Variants in LRP1B observed in about 807,000 individuals in gnomAD.
LRP1B encodes low-density lipoprotein receptor-related protein 1B.
In LRP1B, 217 loss-of-function variants were observed where a neutral mutation model predicts 556.6. The observed-to-expected ratio is 0.39, with a 90% CI of 0.35 to 0.44. LRP1B has a LOEUF of 0.44. Among genes scored for constraint, LRP1B ranks in the 20% least tolerant of loss-of-function variants. The pLI is 1.00. For synonymous variants in LRP1B, 2,047 were observed against 1,865.8 expected, an observed-to-expected ratio of 1.10 and a Z score of -2.50; for missense variants, 5,053 against 5,620.8, an observed-to-expected ratio of 0.90 and a Z score of 3.23.
At chr2:141,705,167 G>A (rs1478146974) in intron 2 of LRP1B, among the ~76,000 whole-genome samples, 3 of 151,930 alleles carry the variant, frequency 2.0e-5, no homozygotes, top group African/African-American at 7.2e-5. Context: ...AACCCAGGTA[G>A]TTTGACTCTG....
At chr2:141,937,569 G>C (rs890163007) in intron 1 of LRP1B, among the ~76,000 whole-genome samples, 1 of 151,502 alleles carries the variant, frequency 6.6e-6, no homozygotes, top group Admixed American at 6.6e-5. Context: ...CCCAACAGAT[G>C]TATGTGTGTG....
chr2:141,900,110 T>C (rs1440360516), intron 1 of LRP1B, among the ~76,000 whole-genome samples: 1 of 152,136 alleles, frequency 6.6e-6, no homozygotes, highest in Non-Finnish European at 1.5e-5. Context: ...TTGACTGATT[T>C]AATTCAGTCC....
intron 86 of LRP1B, among the ~76,000 whole-genome samples, chr2:140,266,308 A>G (rs1010407482): frequency 6.6e-6 from 1 of 151,908 alleles, no homozygotes; most frequent in Non-Finnish European, 1.5e-5. Context: ...CACTTATAAC[A>G]CTTGTCCTCT....
At chr2:140,669,648 C>G (rs899882133) in intron 41 of LRP1B, among the ~76,000 whole-genome samples, 2 of 152,056 alleles carry the variant, frequency 1.3e-5, no homozygotes, top group African/African-American at 4.8e-5. Flanking sequence ...CTTTTACTGA[C>G]AGTTTTTTTT....
chr2:140,430,829 C>T (rs1685901872), intron 66 of LRP1B, among the ~76,000 whole-genome samples: 2 of 152,224 alleles, frequency 1.3e-5, no homozygotes, highest in Admixed American at 1.3e-4. Flanking sequence ...ATTCCATCTG[C>T]TATTCTACTA....
intron 1 of LRP1B, among the ~76,000 whole-genome samples, chr2:142,000,152 C>T (rs1386116426): frequency 1.2e-4 from 18 of 151,990 alleles, no homozygotes; most frequent in Admixed American, 1.2e-3. Context: ...GCCTTAAGGA[C>T]ACATATTGTA....
chr2:141,290,744 A>G (rs1382878369), intron 3 of LRP1B, among the ~76,000 whole-genome samples: 2 of 152,196 alleles, frequency 1.3e-5, no homozygotes, highest in African/African-American at 2.4e-5. Context: ...TTTATGAGAC[A>G]TGGAGATTTG....
intron 2 of LRP1B, among the ~76,000 whole-genome samples, chr2:141,806,669 A>C (rs1366549803): frequency 6.6e-6 from 1 of 152,048 alleles, no homozygotes; most frequent in East Asian, 1.9e-4. Flanking sequence ...ACAAACACAC[A>C]CAGAAGAGAA....
At position 142,062,996 on chromosome 2, in the gene LRP1B, C is replaced by A. The variant is rs568462569; in HGVS notation, c.82+67652G>T. Among the ~76,000 whole-genome samples, 3 of 113,144 alleles carry A rather than the reference C, an allele frequency of 2.7e-5. No homozygotes were observed. In the South Asian group the frequency reaches 8.4e-4, roughly 32 times the overall value. 74.2% of individuals were successfully genotyped at this position (113,144 alleles called of 152,430 possible). ...CCTGAAAAAAAGCTGAGTTTAAAAACAAATTCAATAAATATTAGAAAGTAT... is the reference window on the plus strand; with the variant it reads ...CCTGAAAAAAAGCTGAGTTTAAAAAAAAATTCAATAAATATTAGAAAGTAT... On this transcript the variant is annotated intron_variant, in intron 1 of 90. Transcript: ENST00000389484.
chr2:140,960,078 A>G (rs1188104138), intron 18 of LRP1B, among the ~76,000 whole-genome samples: 1 of 151,718 alleles, frequency 6.6e-6, no homozygotes, highest in East Asian at 1.9e-4. Flanking sequence ...TCCACTGAAA[A>G]TAATACACCT....
chr2:141,687,301 C>T (rs1019060105), intron 2 of LRP1B, among the ~76,000 whole-genome samples: 1 of 151,864 alleles, frequency 6.6e-6, no homozygotes, highest in African/African-American at 2.4e-5. Context: ...GTTATTTACT[C>T]TTAGTGAAAA....
chr2:140,810,778 C>T (rs2105029656), intron 32 of LRP1B, among the ~76,000 whole-genome samples: 1 of 152,160 alleles, frequency 6.6e-6, no homozygotes, highest in East Asian at 1.9e-4. Context: ...GCACTGTTGC[C>T]CAGGCTAGAG....
At chr2:140,481,658 T>A (rs1039967412) in intron 59 of LRP1B, among the ~76,000 whole-genome samples, 16 of 150,594 alleles carry the variant, frequency 1.1e-4, no homozygotes, top group African/African-American at 3.6e-4. Flanking sequence ...TACAAACTGA[T>A]CATTTCACTT....
intron 3 of LRP1B, among the ~76,000 whole-genome samples, chr2:141,448,095 C>T (rs1352992946): frequency 6.6e-6 from 1 of 152,208 alleles, no homozygotes; most frequent in Non-Finnish European, 1.5e-5. Context: ...TGCTGCCTTT[C>T]TTTCAGAGAT....
chr2:141,822,563 T>C (rs1184391459), intron 1 of LRP1B, among the ~76,000 whole-genome samples: 1 of 152,168 alleles, frequency 6.6e-6, no homozygotes, highest in South Asian at 2.1e-4. Flanking sequence ...CACAGTGAGA[T>C]ATGAAGCAGA....
intron 66 of LRP1B, among the ~76,000 whole-genome samples, chr2:140,434,296 C>T (rs1202039412): frequency 1.3e-5 from 2 of 152,078 alleles, no homozygotes; most frequent in Non-Finnish European, 2.9e-5. Context: ...TCTTGAACTC[C>T]TGACCTCAGG....
intron 83 of LRP1B, 48 bp from the exon 84 acceptor site, chr2:140,298,017 G>C (rs546295288): frequency 3.3e-6 from 5 of 1,508,430 alleles, no homozygotes; most frequent in Non-Finnish European, 4.5e-6. Context: ...AACCAAAATA[G>C]TTTATTTTCA....
At chr2:140,731,023 C>G (rs76333919) in intron 35 of LRP1B, among the ~76,000 whole-genome samples, 1 of 152,120 alleles carries the variant, frequency 6.6e-6, no homozygotes, top group Non-Finnish European at 1.5e-5. Context: ...CTAGTACACA[C>G]GCAACATGTC....
At chr2:141,306,099 C>T (rs559360931) in intron 3 of LRP1B, among the ~76,000 whole-genome samples, 7 of 151,782 alleles carry the variant, frequency 4.6e-5, no homozygotes, top group Admixed American at 6.6e-5. Flanking sequence ...GTGCTAGCTT[C>T]GAAAAATAAG....
Sources: allele counts gnomAD v4.1 joint callset (sites outside exome capture counted in the v4.1 genomes callset), GRCh38; gene constraint gnomAD v4.1.1; transcripts MANE v1.5; gene names NCBI Gene and HGNC (gene_info 2026-07-23, HGNC 2026-07-21).